The following DCC variants were observed in gnomAD, a reference collection of about 807,000 sequenced individuals.
DCC encodes DCC netrin 1 receptor.
Under a neutral mutation model 172.5 loss-of-function variants are expected in DCC, and 58 were observed. The ratio of observed to expected loss-of-function variants is 0.34; its 90% CI spans 0.27 to 0.42. The LOEUF (loss-of-function observed/expected upper bound fraction) is 0.42. Ranked by LOEUF, DCC falls within the 10% of genes least tolerant of loss-of-function variation. The probability of loss-of-function intolerance (pLI) is 1.00; values close to 1 mark genes in which losing one functional copy is unlikely to be tolerated. For missense variants in DCC, 1,740 were observed against 1,791.0 expected (o/e 0.97, Z 0.51); for synonymous variants, 709 against 644.5 (o/e 1.10, Z -1.52).
chr18:52,519,959 C>G (rs1383340529), intron 1 of DCC, among the ~76,000 whole-genome samples: 3 of 152,152 alleles, frequency 2.0e-5, no homozygotes, highest in African/African-American at 7.2e-5. Flanking sequence ...TCTTCTCCTC[C>G]CATTGTATCT....
At chr18:52,916,947 T>C (rs895656917) in intron 3 of DCC, among the ~76,000 whole-genome samples, 6 of 151,786 alleles carry the variant, frequency 4.0e-5, no homozygotes, top group Non-Finnish European at 8.8e-5. Flanking sequence ...TTGGCCGACA[T>C]AGGTGTTTTT....
intron 27 of DCC, among the ~76,000 whole-genome samples, chr18:53,515,354 C>A (rs938284863): frequency 6.7e-6 from 1 of 150,296 alleles, no homozygotes; most frequent in Non-Finnish European, 1.5e-5. Context: ...ACTGAATGGG[C>A]AAAAACTGGA....
intron 1 of DCC, among the ~76,000 whole-genome samples, chr18:52,449,145 A>G (rs892059957): frequency 6.6e-6 from 1 of 152,224 alleles, no homozygotes; most frequent in Non-Finnish European, 1.5e-5. Context: ...ACTCCCCATT[A>G]TAAAACCATC....
chr18:53,274,236 G>A (rs900798981), intron 12 of DCC, among the ~76,000 whole-genome samples: 1 of 152,064 alleles, frequency 6.6e-6, no homozygotes, highest in Admixed American at 6.6e-5. Context: ...TGAGAGGGCT[G>A]TTATCGATTC....
intron 12 of DCC, among the ~76,000 whole-genome samples, chr18:53,264,753 C>T (rs1393155829): frequency 1.3e-5 from 2 of 151,958 alleles, no homozygotes; most frequent in African/African-American, 4.8e-5. Flanking sequence ...CAATAATTAT[C>T]ATCATTTTTT....
In DCC at chr18:53,298,932, A is replaced by T. The variant is rs372534975; in HGVS notation, c.1912-6646A>T. Among the ~76,000 whole-genome samples, 23 of 152,294 alleles carry T rather than the reference A, an allele frequency of 1.5e-4. No homozygotes were observed. In the South Asian group the frequency reaches 3.9e-3, roughly 26 times the overall value. On this transcript the variant is annotated intron_variant, in intron 12 of 28. Coordinates refer to ENST00000442544, the MANE Select transcript of DCC (RefSeq NM_005215.4). The stretch of plus-strand genomic sequence containing the variant: ...TGGGAAGTCTTCCATTGATAGTGCC[A>T]GGTGACCTTGGGCCTATCCTTCTTT...
intron 1 of DCC, among the ~76,000 whole-genome samples, chr18:52,341,159 C>T (rs910054796): frequency 6.7e-6 from 1 of 149,172 alleles, no homozygotes; most frequent in African/African-American, 2.6e-5. Context: ...GTTTGGAGAG[C>T]CGGCGGGCTG....
At chr18:52,925,460 T>C in intron 5 of DCC, 90 bp downstream of exon 5, 1 of 1,343,658 alleles carries the variant, frequency 7.4e-7, no homozygotes, top group Admixed American at 1.7e-5. Context: ...TTGATTCCTA[T>C]GTTTATTAGT....
intron 5 of DCC, among the ~76,000 whole-genome samples, chr18:53,056,597 A>G (rs1009720729): frequency 3.9e-5 from 6 of 152,160 alleles, no homozygotes; most frequent in African/African-American, 1.4e-4. Flanking sequence ...AACTCATCCT[A>G]GACATTTGGT....
chr18:52,465,605 A>G (rs1350422539), intron 1 of DCC, among the ~76,000 whole-genome samples: 3 of 152,228 alleles, frequency 2.0e-5, no homozygotes, highest in Admixed American at 2.0e-4. Flanking sequence ...TGTCCCGACA[A>G]AGGAGCATCT....
At chr18:53,019,828 G>A (rs150497290) in intron 5 of DCC, among the ~76,000 whole-genome samples, 31 of 152,242 alleles carry the variant, frequency 2.0e-4, no homozygotes, top group African/African-American at 7.2e-4. Flanking sequence ...CAGACAGCAT[G>A]TAACCTACAA....
At chr18:53,497,728 C>T (rs537434197) in intron 26 of DCC, among the ~76,000 whole-genome samples, 1 of 152,188 alleles carries the variant, frequency 6.6e-6, no homozygotes, top group East Asian at 1.9e-4. Flanking sequence ...CCTAAAGCCT[C>T]GCATCTGAAA....
intron 7 of DCC, among the ~76,000 whole-genome samples, chr18:53,077,235 C>CCATT (rs1313912517): frequency 6.6e-6 from 1 of 151,944 alleles, no homozygotes; most frequent in Non-Finnish European, 1.5e-5. Context: ...CTACCTTGAG[C>CCATT]CATTTATAAT....
At chr18:52,373,787 T>C (rs989761933) in intron 1 of DCC, among the ~76,000 whole-genome samples, 2 of 152,216 alleles carry the variant, frequency 1.3e-5, no homozygotes, top group Non-Finnish European at 2.9e-5. Flanking sequence ...CCTTAGTCAT[T>C]GTTTAGCTTA....
chr18:52,549,457 CT>C (rs2032703896), intron 1 of DCC, among the ~76,000 whole-genome samples: 2 of 152,036 alleles, frequency 1.3e-5, no homozygotes, highest in Admixed American at 1.3e-4. Flanking sequence ...AACTTTCCCC[CT>C]CCGACTAATT....
intron 5 of DCC, among the ~76,000 whole-genome samples, chr18:53,012,590 C>T (rs1469354205): frequency 6.6e-6 from 1 of 151,888 alleles, no homozygotes; most frequent in Non-Finnish European, 1.5e-5. Flanking sequence ...TTGGTGTAGA[C>T]ATATACATAA....
intron 2 of DCC, among the ~76,000 whole-genome samples, chr18:52,831,293 G>A (rs984089353): frequency 6.6e-6 from 1 of 152,138 alleles, no homozygotes; most frequent in African/African-American, 2.4e-5. Flanking sequence ...AGACCATGTA[G>A]TTGCTTGGAG....
intron 7 of DCC, among the ~76,000 whole-genome samples, chr18:53,068,451 A>G (rs2042605671): frequency 7.6e-6 from 1 of 131,204 alleles, no homozygotes; most frequent in African/African-American, 2.9e-5. Flanking sequence ...CATTAGTAAC[A>G]AAAGTATGGG....
intron 1 of DCC, among the ~76,000 whole-genome samples, chr18:52,748,400 C>G (rs1413229785): frequency 6.6e-6 from 1 of 152,240 alleles, no homozygotes; most frequent in Non-Finnish European, 1.5e-5. Context: ...AGCTCTGGCT[C>G]CGGGAGTCCC....
Sources: gnomAD v4.1 joint callset for allele counts (sites outside exome capture counted in the v4.1 genomes callset) on GRCh38, gnomAD v4.1.1 for gene constraint, MANE v1.5 for transcripts, NCBI Gene and HGNC (gene_info 2026-07-23, HGNC 2026-07-21) for gene names.